CMIP: variants seen among roughly 807,000 people sequenced by gnomAD.
The protein encoded by CMIP is C-Maf-inducing protein.
CMIP carries 13 observed loss-of-function variants against 97.3 expected under a neutral mutation model. That is an observed-to-expected ratio of 0.13 (90% confidence interval 0.09 to 0.21). The LOEUF (loss-of-function observed/expected upper bound fraction) is 0.21, where lower values mean the gene tolerates loss of function less well. Ranked by LOEUF, CMIP falls within the 10% of genes least tolerant of loss-of-function variation. The pLI, the probability that CMIP is intolerant of heterozygous loss-of-function variation, is 1.00. For missense variants in CMIP, 847 were observed against 1,024.9 expected, an observed-to-expected ratio of 0.83 and a Z score of 2.37; for synonymous variants, 538 against 436.3, an observed-to-expected ratio of 1.23 and a Z score of -2.91.
At chr16:81,598,707 C>T (rs944415737) in intron 1 of CMIP, among the ~76,000 whole-genome samples, 2 of 152,168 alleles carry the variant, frequency 1.3e-5, no homozygotes, top group South Asian at 2.1e-4. Context: ...TGGCTCACAC[C>T]TGTAATCCCA....
At chr16:81,458,609 A>G (rs117366255) in intron 1 of CMIP, among the ~76,000 whole-genome samples, 1 of 152,190 alleles carries the variant, frequency 6.6e-6, no homozygotes, top group African/African-American at 2.4e-5. Flanking sequence ...AAACCCGCAC[A>G]CTGTTTCCCC....
At chr16:81,700,339 C>T (rs1225396698) in intron 15 of CMIP, among the ~76,000 whole-genome samples, 1 of 152,156 alleles carries the variant, frequency 6.6e-6, no homozygotes, top group Non-Finnish European at 1.5e-5. Context: ...CAGGTCACCC[C>T]TCACCTGCTG....
rs1254244647 is a variant in CMIP at position 81,616,696 on chromosome 16, C to T, written c.427-4180C>T. ...GAAGTGGCCAGAAAGCCAAGTGTGG[C>T]TGGGGAAGGGGGTCACACCCTCCTA... On this transcript the variant is annotated intron_variant, in intron 2 of 20. Coordinates refer to ENST00000537098, the MANE Select transcript of CMIP (RefSeq NM_198390.3). This position sits in a 1 kb window ranked among gnomAD's most constrained non-coding sequence, Gnocchi z 4.7. Among the ~76,000 whole-genome samples the T allele has an allele frequency of 6.6e-6, 1 of 152,110 alleles. No individual in the cohort carries two copies. Among genetic ancestry groups the T allele is most frequent in the Non-Finnish European group, 1.5e-5 (1 of 68,006 alleles).
At chr16:81,583,041 A>G (rs1343071700) in intron 1 of CMIP, among the ~76,000 whole-genome samples, 1 of 152,200 alleles carries the variant, frequency 6.6e-6, no homozygotes, top group East Asian at 1.9e-4. Context: ...CGAGGAAAGA[A>G]GGAGTGTTTC....
intron 1 of CMIP, among the ~76,000 whole-genome samples, chr16:81,606,174 G>A (rs2091740671): frequency 6.6e-6 from 1 of 152,092 alleles, no homozygotes; most frequent in Non-Finnish European, 1.5e-5. Context: ...TCTGATTCCG[G>A]AGTCAGATGG....
chr16:81,560,368 G>T (rs1020184723), intron 1 of CMIP, among the ~76,000 whole-genome samples: 1 of 151,732 alleles, frequency 6.6e-6, no homozygotes, highest in Non-Finnish European at 1.5e-5. Flanking sequence ...ACAGGCTCCC[G>T]CCACTATTCC....
chr16:81,624,080 C>T (rs1304735818), intron 3 of CMIP, among the ~76,000 whole-genome samples: 1 of 150,914 alleles, frequency 6.6e-6, no homozygotes, highest in African/African-American at 2.4e-5. Context: ...TGAGGTTTTT[C>T]TTTTTCTTTT....
chr16:81,619,087 C>T (rs974368221), intron 2 of CMIP: 5 of 152,220 alleles, frequency 3.3e-5, no homozygotes, highest in African/African-American at 1.2e-4. Context: ...AGTCACACCA[C>T]TAGACACGAC....
At chr16:81,531,286 C>T (rs906186589) in intron 1 of CMIP, among the ~76,000 whole-genome samples, 3 of 152,084 alleles carry the variant, frequency 2.0e-5, no homozygotes, top group African/African-American at 7.2e-5. Context: ...TTTTGGCAGC[C>T]CCAGAAGCCC....
intron 1 of CMIP, among the ~76,000 whole-genome samples, chr16:81,456,191 A>G (rs1288369142): frequency 6.6e-6 from 1 of 152,244 alleles, no homozygotes; most frequent in African/African-American, 2.4e-5. Flanking sequence ...GCAGGGCCAG[A>G]CAGAGCCCAG....
intron 20 of CMIP, among the ~76,000 whole-genome samples, chr16:81,708,549 G>A (rs969665511): frequency 6.6e-6 from 1 of 152,204 alleles, no homozygotes; most frequent in Non-Finnish European, 1.5e-5. Context: ...GAGAGACATG[G>A]TGCCAACTTA....
In CMIP at chr16:81,711,492, T is replaced by C. The variant is rs1128432; in HGVS notation, c.*1693T>C. The C allele has an allele frequency of 0.78, 117,603 of 151,452 alleles. 45,967 individuals are homozygous for C. Among genetic ancestry groups the C allele is most frequent in the East Asian group, 0.97 (4,998 of 5,170 alleles). The allele number at this position is 151,452 out of a possible 1,614,324, so 9.4% of individuals were successfully genotyped here. On this transcript the variant is annotated 3_prime_UTR_variant, in exon 21 of 21. Coordinates refer to ENST00000537098, the MANE Select transcript of CMIP (RefSeq NM_198390.3). ...GTGTTTTGTTTTTTGTTGTTGTTTT[T>C]AGTTGTTTGGTTTTCTTTTCTTTCC...
intron 1 of CMIP, among the ~76,000 whole-genome samples, chr16:81,536,252 T>C (rs2090340766): frequency 6.6e-6 from 1 of 152,168 alleles, no homozygotes; most frequent in Non-Finnish European, 1.5e-5. Context: ...GTTGTGAGGA[T>C]GACCAAAGGT....
chr16:81,684,579 C>G (rs769438052), intron 10 of CMIP, among the ~76,000 whole-genome samples: 2 of 152,228 alleles, frequency 1.3e-5, no homozygotes, highest in Non-Finnish European at 2.9e-5. Flanking sequence ...GGGCTTTGCA[C>G]TCACAAAGCC....
chr16:81,519,155 T>A (rs2089972799), intron 1 of CMIP: 1 of 152,112 alleles, frequency 6.6e-6, no homozygotes, highest in South Asian at 2.1e-4. Context: ...TTAACAGAAG[T>A]AGCAGGGTGT....
At chr16:81,544,129 G>C (rs2150843654) in intron 1 of CMIP, among the ~76,000 whole-genome samples, 1 of 152,304 alleles carries the variant, frequency 6.6e-6, no homozygotes, top group East Asian at 1.9e-4. Flanking sequence ...GACACGCAGG[G>C]GTCCCCCCGC....
At chr16:81,456,813 C>T (rs1405131175) in intron 1 of CMIP, among the ~76,000 whole-genome samples, 1 of 152,186 alleles carries the variant, frequency 6.6e-6, no homozygotes, top group East Asian at 1.9e-4. Context: ...GAGAGGAGGG[C>T]CTTGTGGAAG....
chr16:81,533,359 A>G (rs2090278174), intron 1 of CMIP, among the ~76,000 whole-genome samples: 1 of 152,226 alleles, frequency 6.6e-6, no homozygotes. Flanking sequence ...TGCAGCACTC[A>G]CTTTGTCCAT....
chr16:81,494,102 G>A (rs796334645), intron 1 of CMIP, among the ~76,000 whole-genome samples: 1 of 152,348 alleles, frequency 6.6e-6, no homozygotes, highest in African/African-American at 2.4e-5. Flanking sequence ...CCACCTGGAT[G>A]AAGAATGTTC....
Sources: allele counts gnomAD v4.1 joint callset (sites outside exome capture counted in the v4.1 genomes callset), GRCh38; gene constraint gnomAD v4.1.1; non-coding constraint Gnocchi (gnomAD v3.1); transcripts MANE v1.5; gene names NCBI Gene and HGNC (gene_info 2026-07-23, HGNC 2026-07-21).